Variants in GALNT17 observed in about 807,000 individuals in gnomAD.
GALNT17 encodes polypeptide N-acetylgalactosaminyltransferase 17.
Under a neutral mutation model 63.7 loss-of-function variants are expected in GALNT17, and 29 were observed. That is an observed-to-expected ratio of 0.46 (90% CI 0.34 to 0.62). The LOEUF is 0.62. GALNT17 is among the 20% of genes least tolerant of loss of function. GALNT17 has a pLI of 0.01. For synonymous variants in GALNT17, 305 were observed against 318.3 expected (o/e 0.96, Z 0.45); for missense variants, 603 against 799.6 (o/e 0.75, Z 2.97).
intron 5 of GALNT17, among the ~76,000 whole-genome samples, chr7:71,492,757 GTGTT>G (rs1788031755): frequency 6.6e-6 from 1 of 152,204 alleles, no homozygotes; most frequent in African/African-American, 2.4e-5. Context: ...GGACAATAGA[GTGTT>G]TGACGTATCG....
At chr7:71,544,921 G>A (rs192536922) in intron 5 of GALNT17, among the ~76,000 whole-genome samples, 3 of 151,570 alleles carry the variant, frequency 2.0e-5, no homozygotes, top group African/African-American at 7.3e-5. Context: ...ATTTTTCTGG[G>A]GATCAAATGC....
chr7:71,541,521 C>G (rs1788892104), intron 5 of GALNT17, among the ~76,000 whole-genome samples: 1 of 152,136 alleles, frequency 6.6e-6, no homozygotes, highest in African/African-American at 2.4e-5. Context: ...CCACTGTATT[C>G]CGGCCTGGGT....
chr7:71,380,903 G>C (rs999665565), intron 2 of GALNT17, among the ~76,000 whole-genome samples: 1 of 151,668 alleles, frequency 6.6e-6, no homozygotes. Context: ...ATAAGGGGTA[G>C]ATTGCTGGGC....
chr7:71,331,466 G>C (rs1053855571), intron 1 of GALNT17, among the ~76,000 whole-genome samples: 2 of 152,148 alleles, frequency 1.3e-5, no homozygotes, highest in Non-Finnish European at 2.9e-5. Context: ...CCAGCATTTT[G>C]GGAGGCCAAG....
chr7:71,187,580 C>G (rs985965705), intron 1 of GALNT17, among the ~76,000 whole-genome samples: 1 of 152,082 alleles, frequency 6.6e-6, no homozygotes, highest in Non-Finnish European at 1.5e-5. Flanking sequence ...TCCACCTCCC[C>G]CCTCATCCAC....
intron 9 of GALNT17, among the ~76,000 whole-genome samples, chr7:71,699,473 C>CT (rs1323882744): frequency 1.7e-5 from 2 of 119,756 alleles, no homozygotes; most frequent in African/African-American, 3.1e-5. Context: ...GAGACTCTGT[C>CT]TCAAAAAAAA....
At chr7:71,335,922 GTTATCA>G (rs1180826230) in intron 2 of GALNT17, among the ~76,000 whole-genome samples, 189 bp downstream of exon 2, 2 of 151,522 alleles carry the variant, frequency 1.3e-5, no homozygotes, top group African/African-American at 2.4e-5. Flanking sequence ...AAGTTCAGTT[GTTATCA>G]AAGTGTTCCA....
chr7:71,190,825 T>C (rs1788938051), intron 1 of GALNT17, among the ~76,000 whole-genome samples: 1 of 151,788 alleles, frequency 6.6e-6, no homozygotes, highest in African/African-American at 2.4e-5. Flanking sequence ...AGAGACAGGG[T>C]TCACCGTGTT....
chr7:71,646,747 CTT>C (rs60956531), intron 6 of GALNT17, among the ~76,000 whole-genome samples: 5 of 128,092 alleles, frequency 3.9e-5, no homozygotes, highest in African/African-American at 6.0e-5. Context: ...TCCAAGTTTC[CTT>C]TTTTTTTTTT....
intron 6 of GALNT17, among the ~76,000 whole-genome samples, chr7:71,589,013 G>A (rs538826005): frequency 5.9e-5 from 9 of 152,240 alleles, no homozygotes; most frequent in South Asian, 2.1e-4. Context: ...AAAGCTAAAC[G>A]TGGGAAGTGA....
intron 1 of GALNT17, among the ~76,000 whole-genome samples, chr7:71,246,842 G>A (rs1247536554): frequency 2.7e-5 from 4 of 150,562 alleles, no homozygotes; most frequent in Admixed American, 6.7e-5. Context: ...AAAAAAAAGA[G>A]ATTATAATTA....
At chr7:71,568,900 T>C (rs550541703) in intron 5 of GALNT17, among the ~76,000 whole-genome samples, 1 of 152,326 alleles carries the variant, frequency 6.6e-6, no homozygotes, top group African/African-American at 2.4e-5. Flanking sequence ...GGTAGAATAA[T>C]GCAGCATTCC....
chr7:71,431,614 G>A (rs1007323681), intron 5 of GALNT17, among the ~76,000 whole-genome samples: 10 of 152,142 alleles, frequency 6.6e-5, no homozygotes, highest in African/African-American at 9.7e-5. Context: ...CTGGGATTCG[G>A]ATGTAGTCAG....
At chr7:71,398,388 A>G (rs1170816822) in intron 3 of GALNT17, among the ~76,000 whole-genome samples, 12 of 151,000 alleles carry the variant, frequency 7.9e-5, no homozygotes, top group African/African-American at 2.4e-4. Context: ...CATTTTTTCT[A>G]TTTCTGCTAT....
At chr7:71,241,914 T>C (rs1231524868) in intron 1 of GALNT17, among the ~76,000 whole-genome samples, 1 of 152,008 alleles carries the variant, frequency 6.6e-6, no homozygotes, top group Non-Finnish European at 1.5e-5. Flanking sequence ...CGAGGGTTGG[T>C]AATTTACAAA....
intron 5 of GALNT17, among the ~76,000 whole-genome samples, chr7:71,482,079 A>ATGTGTGTGTGTGTGTGTGTGTGTGTGTG (rs371371505): frequency 1.5e-5 from 2 of 136,802 alleles, no homozygotes; most frequent in South Asian, 4.9e-4. Context: ...ACATATATGT[A>ATGTGTGTGTGTGTGTGTGTGTGTGTGTG]TATGTGTGTG....
intron 1 of GALNT17, among the ~76,000 whole-genome samples, chr7:71,271,676 G>A (rs1172591559): frequency 6.6e-6 from 1 of 152,210 alleles, no homozygotes; most frequent in Non-Finnish European, 1.5e-5. Flanking sequence ...TACCACCACA[G>A]TTAAGATGCA....
intron 6 of GALNT17, among the ~76,000 whole-genome samples, chr7:71,610,609 T>G (rs1322541495): frequency 6.6e-6 from 1 of 152,164 alleles, no homozygotes; most frequent in African/African-American, 2.4e-5. Flanking sequence ...ATCCAAGGAA[T>G]GTTGCCAAAA....
intron 1 of GALNT17, among the ~76,000 whole-genome samples, chr7:71,228,644 A>G (rs1375489671): frequency 1.3e-5 from 2 of 152,038 alleles, no homozygotes; most frequent in Non-Finnish European, 2.9e-5. Flanking sequence ...TCACTCTATA[A>G]TAGGGCCAGC....
Sources: allele counts gnomAD v4.1 joint callset (sites outside exome capture counted in the v4.1 genomes callset), GRCh38; gene constraint gnomAD v4.1.1; transcripts MANE v1.5; gene names NCBI Gene and HGNC (gene_info 2026-07-23, HGNC 2026-07-21).